The following PCDH15 variants were observed in gnomAD, a reference collection of about 807,000 sequenced individuals.
PCDH15 encodes the protein protocadherin related 15.
PCDH15 carries 129 observed loss-of-function variants against 178.5 expected under a neutral mutation model. The observed-to-expected ratio is 0.72, with a 90% CI of 0.63 to 0.84. The LOEUF is 0.84. PCDH15 is among the 40% of genes least tolerant of loss of function. PCDH15 has a pLI of 0.00. For missense variants in PCDH15, 2,230 were observed against 2,099.9 expected, an observed-to-expected ratio of 1.06 and a Z score of -1.21; for synonymous variants, 800 against 732.0, an observed-to-expected ratio of 1.09 and a Z score of -1.50.
At chr10:54,850,543 G>T (rs1953600211) in intron 3 of PCDH15, among the ~76,000 whole-genome samples, 1 of 152,072 alleles carries the variant, frequency 6.6e-6, no homozygotes, top group East Asian at 1.9e-4. Flanking sequence ...TATAATGCTT[G>T]GTTTTTCCAT....
At chr10:54,127,476 TA>T (rs1160089538) in intron 15 of PCDH15, among the ~76,000 whole-genome samples, 13 of 152,176 alleles carry the variant, frequency 8.5e-5, no homozygotes, top group Non-Finnish European at 1.6e-4. Context: ...AATTTTATCG[TA>T]AATAAGCCAT....
At chr10:54,707,042 C>G (rs1245615646) in intron 1 of PCDH15, among the ~76,000 whole-genome samples, 1 of 152,130 alleles carries the variant, frequency 6.6e-6, no homozygotes, top group East Asian at 1.9e-4. Context: ...AGGGTTTACA[C>G]ATGTTAATAG....
At chr10:55,509,799 C>A (rs751035907) in intron 2 of PCDH15, among the ~76,000 whole-genome samples, 4 of 151,816 alleles carry the variant, frequency 2.6e-5, no homozygotes, top group Non-Finnish European at 2.9e-5. Flanking sequence ...TATACGTCAG[C>A]AACAAAGCAT....
chr10:55,236,176 G>A (rs910545038), intron 1 of PCDH15, among the ~76,000 whole-genome samples: 3 of 151,800 alleles, frequency 2.0e-5, no homozygotes, highest in African/African-American at 7.3e-5. Context: ...TGATTTAAAT[G>A]AAGTATCTAG....
At chr10:54,844,995 T>C (rs1043627879) in intron 3 of PCDH15, among the ~76,000 whole-genome samples, 10 of 152,008 alleles carry the variant, frequency 6.6e-5, no homozygotes, top group African/African-American at 2.4e-4. Flanking sequence ...TCTGCTTTCC[T>C]GAGTTCTTTT....
chr10:54,804,659 T>G (rs934631245), upstream of PCDH15, among the ~76,000 whole-genome samples: 1 of 151,860 alleles, frequency 6.6e-6, no homozygotes, highest in African/African-American at 2.4e-5. Flanking sequence ...TCTAATTGTA[T>G]TAGAATTTTG....
chr10:54,937,571 G>A (rs1837939432), intron 2 of PCDH15, among the ~76,000 whole-genome samples: 1 of 151,198 alleles, frequency 6.6e-6, no homozygotes, highest in African/African-American at 2.4e-5. Context: ...TGTTTTTTGG[G>A]GTGTTATTGT....
At chr10:54,157,365 C>A (rs1250607516) in intron 13 of PCDH15, among the ~76,000 whole-genome samples, 1 of 152,194 alleles carries the variant, frequency 6.6e-6, no homozygotes, top group Non-Finnish European at 1.5e-5. Flanking sequence ...GCAGGCTCAA[C>A]ACCATGTGGA....
intron 1 of PCDH15, among the ~76,000 whole-genome samples, chr10:55,225,895 G>A (rs1227396388): frequency 7.2e-5 from 11 of 151,962 alleles, no homozygotes; most frequent in Admixed American, 6.5e-4. Context: ...TTTGGGGACC[G>A]TGGGTACAGC....
chr10:55,599,823 A>T, intron 2 of PCDH15: 1 of 817,042 alleles, frequency 1.2e-6, no homozygotes. Flanking sequence ...GCTCAGTGAC[A>T]TATGTTTAAG....
intron 25 of PCDH15, among the ~76,000 whole-genome samples, chr10:53,912,248 C>T (rs111494215): frequency 6.6e-6 from 1 of 152,064 alleles, no homozygotes; most frequent in African/African-American, 2.4e-5. Context: ...ATTCAACAGC[C>T]CTTCATGCTA....
At chr10:54,936,928 A>C (rs797001426) in intron 2 of PCDH15, among the ~76,000 whole-genome samples, 1 of 151,924 alleles carries the variant, frequency 6.6e-6, no homozygotes, top group African/African-American at 2.4e-5. Context: ...ATAATCCAAA[A>C]TCACAATGAT....
At chr10:55,186,294 T>C (rs1314659566) in intron 1 of PCDH15, among the ~76,000 whole-genome samples, 1 of 151,422 alleles carries the variant, frequency 6.6e-6, no homozygotes, top group Admixed American at 6.6e-5. Flanking sequence ...ATGAACAATA[T>C]TTAAAAAAAA....
intron 2 of PCDH15, among the ~76,000 whole-genome samples, chr10:55,382,274 C>A (rs553742568): frequency 1.4e-4 from 22 of 152,156 alleles, no homozygotes; most frequent in African/African-American, 5.3e-4. Context: ...CAAATCCCTG[C>A]GAGCTGCGAT....
chr10:55,383,224 C>T (rs1186328910), intron 2 of PCDH15, among the ~76,000 whole-genome samples: 2 of 152,074 alleles, frequency 1.3e-5, no homozygotes, highest in East Asian at 3.9e-4. Flanking sequence ...CAAAGTCATG[C>T]CATCTAAAGT....
rs888303968 is a variant in PCDH15 at position 54,488,664 on chromosome 10, T to C, written c.157+39148A>G. Among the ~76,000 whole-genome samples, 3 of 152,098 alleles carry C rather than the reference T, an allele frequency of 2.0e-5. No individual in the cohort carries two copies. In the East Asian group the frequency reaches 5.8e-4, roughly 29 times the overall value. On this transcript the variant is annotated intron_variant, in intron 3 of 37. Coordinates refer to ENST00000644397, the MANE Select transcript of PCDH15 (RefSeq NM_001384140.1). ...AAAAGAAAGATAATGCACTTTTGTT[T>C]ATTAAGGGAAAATGAGAGCAGTTTT...
chr10:55,259,693 G>A (rs112618723), intron 1 of PCDH15, among the ~76,000 whole-genome samples: 74 of 151,976 alleles, frequency 4.9e-4, no homozygotes, highest in African/African-American at 1.7e-3. Context: ...ATCACCTGAG[G>A]TCAGGAGTTC....
At chr10:54,203,666 T>C (rs1036693403) in intron 10 of PCDH15, among the ~76,000 whole-genome samples, 1 of 152,184 alleles carries the variant, frequency 6.6e-6, no homozygotes, top group African/African-American at 2.4e-5. Flanking sequence ...AATTTTCTTC[T>C]TCCTGTGTTC....
intron 2 of PCDH15, among the ~76,000 whole-genome samples, chr10:55,127,023 A>G (rs7088769): frequency 0.45 from 68,063 of 151,802 alleles, 15,546 homozygotes; most frequent in Middle Eastern, 0.53. Context: ...ACACACAAAA[A>G]CTAGTAGAAC....
Sources: gnomAD v4.1 joint callset for allele counts (sites outside exome capture counted in the v4.1 genomes callset) on GRCh38, gnomAD v4.1.1 for gene constraint, MANE v1.5 for transcripts, NCBI Gene and HGNC (gene_info 2026-07-23, HGNC 2026-07-21) for gene names.